The following LRRC49 variants were observed in gnomAD, a reference collection of about 807,000 sequenced individuals.
LRRC49 encodes the protein leucine-rich repeat-containing protein 49.
LRRC49 carries 50 observed loss-of-function variants against 83.3 expected under a neutral mutation model. The ratio of observed to expected loss-of-function variants is 0.60; its 90% CI spans 0.48 to 0.76. The LOEUF (loss-of-function observed/expected upper bound fraction) is 0.76. Among genes scored for constraint, LRRC49 ranks in the 30% least tolerant of loss-of-function variants. The pLI is 0.00. For missense variants in LRRC49, 704 were observed against 809.1 expected (o/e 0.87, Z 1.58); for synonymous variants, 286 against 283.3 (o/e 1.01, Z -0.10).
intron 8 of LRRC49, among the ~76,000 whole-genome samples, chr15:70,945,054 CAA>C (rs987636787): frequency 1.3e-5 from 2 of 152,172 alleles, no homozygotes; most frequent in Non-Finnish European, 2.9e-5. Context: ...GCCAAATACT[CAA>C]GAGACCCCTA....
At chr15:70,937,216 A>G (rs745502306) in intron 8 of LRRC49, among the ~76,000 whole-genome samples, 7 of 152,210 alleles carry the variant, frequency 4.6e-5, no homozygotes, top group Non-Finnish European at 7.3e-5. Flanking sequence ...ACAGCAGGCT[A>G]TATTTGTCAC....
chr15:70,946,263 C>T (rs910295468), intron 8 of LRRC49, among the ~76,000 whole-genome samples: 1 of 152,116 alleles, frequency 6.6e-6, no homozygotes, highest in African/African-American at 2.4e-5. Flanking sequence ...TGACCATAGC[C>T]TCTGATAACT....
chr15:70,930,349 A>T (rs2141148277), intron 7 of LRRC49, among the ~76,000 whole-genome samples: 1 of 152,280 alleles, frequency 6.6e-6, no homozygotes, highest in South Asian at 2.1e-4. Context: ...TCCTGAGCAG[A>T]TCTCAATGGT....
chr15:70,896,366 G>C (rs2033837019), intron 3 of LRRC49, among the ~76,000 whole-genome samples: 1 of 152,114 alleles, frequency 6.6e-6, no homozygotes, highest in African/African-American at 2.4e-5. Context: ...TTAAACTCTA[G>C]TGTCTATCAC....
intron 2 of LRRC49, chr15:70,881,664 A>G (rs2033266942): frequency 6.6e-6 from 1 of 152,326 alleles, no homozygotes; most frequent in Admixed American, 6.5e-5. Context: ...TGTAGAATTC[A>G]AAAGAGAGGT....
At chr15:70,883,021 G>C (rs2033306273) in intron 2 of LRRC49, 1 of 1,011,690 alleles carries the variant, frequency 9.9e-7, no homozygotes, top group Non-Finnish European at 1.4e-6. Flanking sequence ...TCACATATTA[G>C]TAAGGCTGAT....
At chr15:71,013,531 A>G (rs1449891981) in intron 14 of LRRC49, among the ~76,000 whole-genome samples, 1 of 152,216 alleles carries the variant, frequency 6.6e-6, no homozygotes, top group Non-Finnish European at 1.5e-5. Flanking sequence ...ATGAAGACCA[A>G]TCAAATGGTT....
At chr15:70,919,235 T>G in intron 7 of LRRC49, 42 bp downstream of exon 7, 1 of 1,506,636 alleles carries the variant, frequency 6.6e-7, no homozygotes, top group African/African-American at 1.4e-5. Context: ...TGTGGCTTTC[T>G]TTCAAGGAAT....
intron 9 of LRRC49, among the ~76,000 whole-genome samples, chr15:70,972,640 T>G (rs1436214216): frequency 6.6e-6 from 1 of 152,172 alleles, no homozygotes; most frequent in Non-Finnish European, 1.5e-5. Flanking sequence ...GTAGGTTTGG[T>G]CTTTTCACAT....
At chr15:71,010,435 G>GAA (rs1008414605) in intron 13 of LRRC49, among the ~76,000 whole-genome samples, 3 of 149,408 alleles carry the variant, frequency 2.0e-5, no homozygotes, top group African/African-American at 7.4e-5. Flanking sequence ...GAATAAAATG[G>GAA]AAAAAAAAGG....
At chr15:70,892,645 C>T (rs1298802317), upstream of LRRC49, 4 of 1,447,390 alleles carry the variant, frequency 2.8e-6, no homozygotes, top group Non-Finnish European at 3.6e-6. Context: ...AATACTCCCG[C>T]TCTGTTTTTA....
At chr15:70,978,091 C>T (rs982781046) in intron 9 of LRRC49, among the ~76,000 whole-genome samples, 3 of 152,054 alleles carry the variant, frequency 2.0e-5, no homozygotes, top group African/African-American at 7.2e-5. Flanking sequence ...TATAATGGCC[C>T]ATCCTCTAGA....
At chr15:70,929,081 T>G (rs1011943782) in intron 7 of LRRC49, among the ~76,000 whole-genome samples, 1 of 152,222 alleles carries the variant, frequency 6.6e-6, no homozygotes, top group Non-Finnish European at 1.5e-5. Context: ...TTCACTAACT[T>G]TATCCTCAAT....
upstream of LRRC49, chr15:70,892,766 G>C: frequency 6.3e-7 from 1 of 1,589,532 alleles, no homozygotes; most frequent in Non-Finnish European, 8.6e-7. Flanking sequence ...GTCCAGACCG[G>C]AAATGGTCGT....
At chr15:70,982,147 T>C (rs1435753602) in intron 10 of LRRC49, among the ~76,000 whole-genome samples, 1 of 152,166 alleles carries the variant, frequency 6.6e-6, no homozygotes, top group Non-Finnish European at 1.5e-5. Context: ...GATTATCTTA[T>C]TATAAATTTA....
chr15:70,879,832 C>A (rs2033227121), intron 2 of LRRC49, among the ~76,000 whole-genome samples: 1 of 152,156 alleles, frequency 6.6e-6, no homozygotes, highest in African/African-American at 2.4e-5. Flanking sequence ...TCTCTCTTCT[C>A]TCACCTAAAG....
At chr15:70,950,018 G>A (rs2036160091) in intron 8 of LRRC49, among the ~76,000 whole-genome samples, 1 of 152,064 alleles carries the variant, frequency 6.6e-6, no homozygotes, top group Non-Finnish European at 1.5e-5. Flanking sequence ...TTGTATTCAT[G>A]TGTATTCATC....
intron 5 of LRRC49, among the ~76,000 whole-genome samples, chr15:70,910,477 C>T (rs1297505550): frequency 6.6e-6 from 1 of 152,040 alleles, no homozygotes; most frequent in Non-Finnish European, 1.5e-5. Context: ...TTCTTTGAGG[C>T]AGTAAACAAG....
At chr15:70,987,618 T>A (rs2037680189) in intron 11 of LRRC49, among the ~76,000 whole-genome samples, 1 of 152,176 alleles carries the variant, frequency 6.6e-6, no homozygotes, top group Admixed American at 6.5e-5. Flanking sequence ...TGAAGGGTTT[T>A]TTGTGTCTCT....
Sources: gnomAD v4.1 joint callset for allele counts (sites outside exome capture counted in the v4.1 genomes callset) on GRCh38, gnomAD v4.1.1 for gene constraint, MANE v1.5 for transcripts, NCBI Gene and HGNC (gene_info 2026-07-23, HGNC 2026-07-21) for gene names.